PLOD1: variants seen among roughly 807,000 people sequenced by gnomAD.
PLOD1 encodes lysine hydroxylase.
In PLOD1, 70 loss-of-function variants were observed where a neutral mutation model predicts 94.7. The ratio of observed to expected loss-of-function variants is 0.74; its 90% CI spans 0.61 to 0.90. PLOD1 has a LOEUF of 0.90. Ranked by LOEUF, PLOD1 falls within the 40% of genes least tolerant of loss-of-function variation. PLOD1 has a pLI of 0.00. For synonymous variants in PLOD1, 417 were observed against 400.2 expected, an observed-to-expected ratio of 1.04 and a Z score of -0.50; for missense variants, 905 against 972.7, an observed-to-expected ratio of 0.93 and a Z score of 0.93.
At position 11,958,451 on chromosome 1, in the gene PLOD1, T is replaced by G. The variant is rs1645754570; in HGVS notation, c.844-65T>G. 1.1e-5 allele frequency: 18 copies of G among 1,576,922 alleles called. No individual in the cohort carries two copies. Among genetic ancestry groups the G allele is most frequent in the Non-Finnish European group, 1.4e-5 (16 of 1,153,360 alleles). ...TGGCTCTGACTCCCTTGGGCCACCCTGGGGTGGAGTGGCAGTGCTGTGACT... is the reference window on the plus strand; with the variant it reads ...TGGCTCTGACTCCCTTGGGCCACCCGGGGGTGGAGTGGCAGTGCTGTGACT... On this transcript the variant is annotated intron_variant, in intron 8 of 18. Coordinates refer to ENST00000196061, the MANE Select transcript of PLOD1 (RefSeq NM_000302.4). The surrounding 1 kb of genome is among the most constrained non-coding windows in gnomAD (Gnocchi z 4.3).
intron 1 of PLOD1, among the ~76,000 whole-genome samples, chr1:11,945,986 G>T (rs1286307186): frequency 6.6e-6 from 1 of 152,158 alleles, no homozygotes; most frequent in Admixed American, 6.6e-5. Flanking sequence ...TGGGATTACC[G>T]GTGTGAGCCA....
chr1:11,941,387 A>G (rs1471961420), intron 1 of PLOD1, among the ~76,000 whole-genome samples: 1 of 151,832 alleles, frequency 6.6e-6, no homozygotes, highest in African/African-American at 2.4e-5. Flanking sequence ...GCTGGGGTGC[A>G]GTGGCACAAT....
At chr1:11,962,437 C>T (rs78013390) in intron 10 of PLOD1, among the ~76,000 whole-genome samples, 26,063 of 151,380 alleles carry the variant, frequency 0.17, 2,568 homozygotes, top group African/African-American at 0.26. Context: ...CCACCATGCC[C>T]GGCTAATTTT....
Position 11,965,646 on chromosome 1 carries a change from T to G in PLOD1, c.1584+53T>G, listed in dbSNP as rs1055891629. The G allele has an allele frequency of 1.4e-5, 15 of 1,096,256 alleles. No homozygotes were observed. The African/African-American group carries it at 2.3e-4, about 17-fold the overall frequency. The allele number at this position is 1,096,256 out of a possible 1,614,324, so 67.9% of individuals were successfully genotyped here. On this transcript the variant is annotated intron_variant, in intron 14 of 18. Coordinates refer to ENST00000196061, the MANE Select transcript of PLOD1 (RefSeq NM_000302.4). The stretch of plus-strand genomic sequence containing the variant: ...TGGGAGCAAAGGGGCCCAGTGATCC[T>G]GCAGTCGGAGGGACTTCCCTCTCAG...
intron 1 of PLOD1, 120 bp downstream of exon 1, chr1:11,934,975 G>A: frequency 8.0e-7 from 1 of 1,243,214 alleles, no homozygotes; most frequent in East Asian, 2.9e-5. Context: ...CTGGGTTCCG[G>A]CTCCTTGTCC....
In PLOD1 at chr1:11,958,737, C is replaced by A; in HGVS notation, c.975+90C>A. The stretch of plus-strand genomic sequence containing the variant: ...AGCCCGAGACCTCTGAGGGTCTCAC[C>A]GAATCTAGCTTATCTGGGCCAAATG... On this transcript the variant is annotated intron_variant, in intron 9 of 18. Coordinates refer to ENST00000196061, the MANE Select transcript of PLOD1 (RefSeq NM_000302.4). The surrounding 1 kb of genome is among the most constrained non-coding windows in gnomAD (Gnocchi z 4.3). 6.8e-7 allele frequency: 1 copy of A among 1,463,086 alleles called. No individual in the cohort carries two copies. Among genetic ancestry groups the A allele is most frequent in the East Asian group, 2.3e-5 (1 of 43,192 alleles). The allele number at this position is 1,463,086 out of a possible 1,614,324, so 90.6% of individuals were successfully genotyped here.
Position 11,974,663 on chromosome 1 carries a change from G to A in PLOD1, c.2039G>A (p.Cys680Tyr). The A allele has an allele frequency of 6.2e-7, 1 of 1,613,684 alleles. No individual in the cohort carries two copies. The highest frequency in any genetic ancestry group is 8.5e-7 in the Non-Finnish European group (1 of 1,179,766). The change falls in exon 19 of 19, where the codon TGT (cysteine) becomes TAT (tyrosine). Residue 680 changes from cysteine (C) to tyrosine (Y), a missense_variant. Physicochemically the swap from Cys to Tyr is radical, Grantham distance 194. Transcript: ENST00000196061. ...CTTTCTGTCTCCCAGGGCGGGGGCT[G>A]TCGGTTCCTGCGCTACAACTGTTCC... ...RVGVDYEGGG[C>Y]RFLRYNCSIR...
intron 4 of PLOD1, among the ~76,000 whole-genome samples, chr1:11,952,295 T>A (rs1645708598): frequency 6.6e-6 from 1 of 152,224 alleles, no homozygotes; most frequent in Admixed American, 6.5e-5. Flanking sequence ...CAGGCCTGTA[T>A]CCTCCCAGCC....
Position 11,964,301 on chromosome 1 carries a change from G to A in PLOD1, c.1328+1G>A. The A allele has an allele frequency of 1.0e-6, 1 of 998,874 alleles. No homozygotes were observed. Among genetic ancestry groups the A allele is most frequent in the Non-Finnish European group, 1.5e-6 (1 of 682,672 alleles). 61.9% of individuals were successfully genotyped at this position (998,874 alleles called of 1,614,324 possible). The stretch of plus-strand genomic sequence containing the variant: ...TGGACATTGTGCAGGGGCGGCGTGT[G>A]TGAGTACCTGCAGGGTGGGGGTGGG... On this transcript the variant is annotated splice_donor_variant, in intron 12 of 18. Coordinates refer to ENST00000196061, the MANE Select transcript of PLOD1 (RefSeq NM_000302.4). LOFTEE classifies it high-confidence loss of function.
chr1:11,941,978 G>C (rs1645618774), intron 1 of PLOD1, among the ~76,000 whole-genome samples: 1 of 142,600 alleles, frequency 7.0e-6, no homozygotes, highest in African/African-American at 2.9e-5. Context: ...GAGCCACTGT[G>C]CCCGGCCTTT....
At chr1:11,949,953 G>C (rs1403787675) in intron 3 of PLOD1, 47 bp downstream of exon 3, 2 of 1,597,914 alleles carry the variant, frequency 1.3e-6, no homozygotes, top group African/African-American at 1.3e-5. Flanking sequence ...GCGGAAGATA[G>C]AAGAATATTC....
intron 16 of PLOD1, among the ~76,000 whole-genome samples, chr1:11,968,076 C>T (rs1006385103): frequency 6.6e-6 from 1 of 151,570 alleles, no homozygotes; most frequent in Non-Finnish European, 1.5e-5. Context: ...GCCTCAGCCT[C>T]TCCAGTAGCT....
At chr1:11,968,495 A>G (rs1257361463) in intron 16 of PLOD1, among the ~76,000 whole-genome samples, 1 of 149,364 alleles carries the variant, frequency 6.7e-6, no homozygotes. Context: ...TCAAGCCCCA[A>G]CCCACCTCTG....
chr1:11,954,933 G>T, intron 6 of PLOD1, 40 bp downstream of exon 6: 1 of 1,470,722 alleles, frequency 6.8e-7, no homozygotes. Context: ...CCTCAGAGGG[G>T]TGATAGGAAG....
At position 11,974,964 on chromosome 1, in the gene PLOD1, T is replaced by G. The variant is rs1645893969; in HGVS notation, c.*156T>G. ...CACCAATCAAAGAGATTCAAAGAGA[T>G]TCCTGCAGGCCAGAGGCGGAACACA... On this transcript the variant is annotated 3_prime_UTR_variant, in exon 19 of 19. Coordinates refer to ENST00000196061, the MANE Select transcript of PLOD1 (RefSeq NM_000302.4). 1.3e-6 allele frequency: 1 copy of G among 784,676 alleles called. No homozygotes were observed. The highest frequency in any genetic ancestry group is 2.6e-5 in the East Asian group (1 of 39,210). 48.6% of individuals were successfully genotyped at this position (784,676 alleles called of 1,614,324 possible).
chr1:11,958,228 AT>A lies in PLOD1; in HGVS notation c.844-285del, dbSNP rs1645752887. 6.6e-6 allele frequency among the ~76,000 whole-genome samples: 1 copy of A among 151,298 alleles called. No homozygotes were observed. ...TCCCCATCCCATGAACCTCATCCTCATTTATGACTCACCTCGAACACCACGC... is the reference window on the plus strand; with the variant it reads ...TCCCCATCCCATGAACCTCATCCTCATTATGACTCACCTCGAACACCACGC... On this transcript the variant is annotated intron_variant, in intron 8 of 18. Coordinates refer to ENST00000196061, the MANE Select transcript of PLOD1 (RefSeq NM_000302.4). This position sits in a 1 kb window ranked among gnomAD's most constrained non-coding sequence, Gnocchi z 4.3.
At chr1:11,951,984 A>G (rs1432212701) in intron 4 of PLOD1, among the ~76,000 whole-genome samples, 1 of 152,258 alleles carries the variant, frequency 6.6e-6, no homozygotes, top group Non-Finnish European at 1.5e-5. Flanking sequence ...CACTGCACGG[A>G]GAATAAAATC....
chr1:11,944,616 T>C, intron 1 of PLOD1: 5 of 1,365,006 alleles, frequency 3.7e-6, no homozygotes, highest in Non-Finnish European at 4.9e-6. Context: ...GGGGGAGCCC[T>C]TCCCCAAGTG....
At chr1:11,964,550 T>G in intron 12 of PLOD1, 94 bp from the exon 13 acceptor site, 1 of 1,283,742 alleles carries the variant, frequency 7.8e-7, no homozygotes, top group South Asian at 1.2e-5. Flanking sequence ...ACACCCAGAC[T>G]CCAGGCTATG....
Sources: gnomAD v4.1 joint callset for allele counts (sites outside exome capture counted in the v4.1 genomes callset) on GRCh38, gnomAD v4.1.1 for gene constraint, Gnocchi (gnomAD v3.1) non-coding constraint, MANE v1.5 for transcripts, NCBI Gene and HGNC (gene_info 2026-07-23, HGNC 2026-07-21) for gene names.